Variants in COL6A1 observed in about 807,000 individuals in gnomAD.
COL6A1 encodes collagen alpha-1(VI) chain.
In COL6A1, 80 loss-of-function variants were observed where a neutral mutation model predicts 145.6. The ratio of observed to expected loss-of-function variants is 0.55; its 90% CI spans 0.46 to 0.66. The LOEUF (loss-of-function observed/expected upper bound fraction) is 0.66, where lower values mean the gene tolerates loss of function less well. Ranked by LOEUF, COL6A1 falls within the 30% of genes least tolerant of loss-of-function variation. The probability of loss-of-function intolerance (pLI) is 0.00; values close to 1 mark genes in which losing one functional copy is unlikely to be tolerated. For missense variants in COL6A1, 1,364 were observed against 1,473.8 expected, an observed-to-expected ratio of 0.93 and a Z score of 1.22; for synonymous variants, 638 against 622.8, an observed-to-expected ratio of 1.02 and a Z score of -0.36.
chr21:45,994,093 G>A lies in COL6A1; in HGVS notation c.1336-74G>A, dbSNP rs1438012202. 3 of 1,434,078 alleles carry A rather than the reference G, an allele frequency of 2.1e-6. No individual in the cohort carries two copies. Among genetic ancestry groups the A allele is most frequent in the Admixed American group, 3.9e-5 (2 of 50,996 alleles). 88.8% of individuals were successfully genotyped at this position (1,434,078 alleles called of 1,614,324 possible). On this transcript the variant is annotated intron_variant, in intron 19 of 34. Coordinates refer to ENST00000361866, the MANE Select transcript of COL6A1 (RefSeq NM_001848.3). The surrounding 1 kb of genome is among the most constrained non-coding windows in gnomAD (Gnocchi z 6.8). The stretch of plus-strand genomic sequence containing the variant: ...GTGACCACCTGGACAGCATGCTGTG[G>A]CTCCCAGCGTGCCCGGGCAGCCATC...
intron 8 of COL6A1, 72 bp from the exon 9 acceptor site, chr21:45,989,012 A>C: frequency 6.4e-7 from 1 of 1,574,502 alleles, no homozygotes; most frequent in Non-Finnish European, 8.7e-7. Context: ...GTCTTTTTAA[A>C]AACCTGTTTC....
chr21:45,990,499 CGTGAAGGTGACCCGGGGA>C (rs2077770023), intron 13 of COL6A1, 77 bp downstream of exon 13: 5 of 200,334 alleles, frequency 2.5e-5, no homozygotes, highest in Admixed American at 7.8e-5. Flanking sequence ...GAGTGGACGG[CGTGAAGGTGACCCGGGGA>C]GGGATGGGGT....
intron 1 of COL6A1, 118 bp downstream of exon 1, chr21:45,982,065 G>T: frequency 1.2e-6 from 1 of 860,040 alleles, no homozygotes; most frequent in Non-Finnish European, 1.9e-6. Context: ...TGGAGCCCCT[G>T]AACCCCACTC....
chr21:45,985,850 G>A (rs1403568065), intron 3 of COL6A1, among the ~76,000 whole-genome samples: 8 of 152,218 alleles, frequency 5.3e-5, no homozygotes, highest in Non-Finnish European at 1.5e-5. Flanking sequence ...TGGGACCTGG[G>A]GGACTTGGAG....
At chr21:46,001,509 CA>C in intron 30 of COL6A1, 123 bp downstream of exon 30, 2 of 1,344,668 alleles carry the variant, frequency 1.5e-6, no homozygotes. Flanking sequence ...CTTCCCTACT[CA>C]TGACAAGGAT....
chr21:45,996,965 G>A (rs2077808509), intron 20 of COL6A1, among the ~76,000 whole-genome samples: 1 of 152,206 alleles, frequency 6.6e-6, no homozygotes, highest in South Asian at 2.1e-4. Flanking sequence ...GGCCCAAAGG[G>A]GACCATGAGG....
At chr21:45,991,982 C>G (rs763686299) in intron 15 of COL6A1, 28 bp from the exon 16 acceptor site, 2 of 1,557,418 alleles carry the variant, frequency 1.3e-6, no homozygotes, top group Non-Finnish European at 1.7e-6. Flanking sequence ...CCCCTGCCAG[C>G]GTGTGTGACT....
chr21:45,989,679 A>G (rs1214286203), intron 10 of COL6A1, 27 bp downstream of exon 10: 1 of 1,613,060 alleles, frequency 6.2e-7, no homozygotes, highest in Non-Finnish European at 8.5e-7. Context: ...TCCTGGCCCG[A>G]GCCCGGTGGT....
At chr21:46,001,878 C>A (rs927079636) in intron 30 of COL6A1, 83 bp from the exon 31 acceptor site, 3 of 1,254,840 alleles carry the variant, frequency 2.4e-6, no homozygotes, top group Non-Finnish European at 3.4e-6. Context: ...CTCTGGGCAC[C>A]CGCAGCCAAT....
intron 2 of COL6A1, among the ~76,000 whole-genome samples, chr21:45,983,397 G>C (rs889086239): frequency 2.0e-5 from 3 of 151,962 alleles, no homozygotes; most frequent in South Asian, 2.1e-4. Flanking sequence ...GGCCGCTGAG[G>C]GGGGGGCATG....
intron 20 of COL6A1, among the ~76,000 whole-genome samples, chr21:45,995,230 C>T (rs144493790): frequency 1.3e-3 from 197 of 152,352 alleles, no homozygotes; most frequent in African/African-American, 4.5e-3. Flanking sequence ...GTGCCGCTCA[C>T]GGCAGGGGCA....
intron 20 of COL6A1, among the ~76,000 whole-genome samples, chr21:45,995,773 A>C (rs1323477829): frequency 1.3e-5 from 2 of 152,140 alleles, no homozygotes; most frequent in Non-Finnish European, 2.9e-5. Context: ...AACGCCTGAG[A>C]CCAGGGCACC....
chr21:46,001,223 G>A (rs376670026), intron 29 of COL6A1, 30 bp from the exon 30 acceptor site: 19 of 1,595,616 alleles, frequency 1.2e-5, no homozygotes, highest in South Asian at 5.5e-5. Flanking sequence ...GGGGAGGGGC[G>A]TGCTCTGCTG....
Position 46,000,812 on chromosome 21 carries a change from C to T in COL6A1, c.1822+45C>T, listed in dbSNP as rs7276098. 10,811 of 1,612,290 alleles carry T rather than the reference C, an allele frequency of 6.7e-3. 429 individuals carry two copies. The African/African-American group carries it at 0.11, about 16-fold the overall frequency. ...TCCTGAGAGAATGGATCCCGGGGGTCGGGGAGCGAGGCCTGGGTCCCACAC... is the reference window on the plus strand; with the variant it reads ...TCCTGAGAGAATGGATCCCGGGGGTTGGGGAGCGAGGCCTGGGTCCCACAC... On this transcript the variant is annotated intron_variant, in intron 29 of 34. Transcript: ENST00000361866.
At chr21:45,984,827 G>GA (rs2077728767) in intron 3 of COL6A1, among the ~76,000 whole-genome samples, 1 of 151,932 alleles carries the variant, frequency 6.6e-6, no homozygotes, top group Admixed American at 6.5e-5. Flanking sequence ...GACGGGAACA[G>GA]AGACAGGCAG....
intron 9 of COL6A1, 68 bp downstream of exon 9, chr21:45,989,205 C>A: frequency 6.6e-7 from 1 of 1,506,222 alleles, no homozygotes; most frequent in Non-Finnish European, 9.0e-7. Flanking sequence ...GCCTCGGAAA[C>A]TTCCGGAAGA....
In COL6A1 at chr21:45,992,185, C is replaced by T. The variant is rs983326119; in HGVS notation, c.1204C>T (p.Pro402Ser). Residue 402 changes from proline to serine, a missense_variant, in exon 17 of 35, where the codon CCC becomes TCC. Around this residue, in one of 3 missense-constraint regions of COL6A1, gnomAD observed 938 missense variants for 1,003.8 expected, o/e 0.93. Coordinates refer to ENST00000361866, the MANE Select transcript of COL6A1 (RefSeq NM_001848.3). ...GDEGQPGEPG[P>S]PGEKGEAGDE... ...ACAGGGCCAGCCGGGAGAGCCTGGG[C>T]CCCCCGGAGAGAAAGGAGAGGCGGG... 9 of 1,613,536 alleles carry T rather than the reference C, an allele frequency of 5.6e-6. No homozygotes were observed. The highest frequency in any genetic ancestry group is 1.6e-4 in the Middle Eastern group (1 of 6,084).
intron 6 of COL6A1, 73 bp from the exon 7 acceptor site, chr21:45,987,426 G>A (rs374517899): frequency 1.1e-4 from 177 of 1,596,714 alleles, no homozygotes; most frequent in East Asian, 3.1e-4. Flanking sequence ...TGCCTGGGTC[G>A]CATGTCACCC....
At position 46,002,586 on chromosome 21, in the gene COL6A1, T is replaced by C; in HGVS notation, c.2310T>C (p.Asn770=). 1 of 1,614,134 alleles carries C rather than the reference T, an allele frequency of 6.2e-7. No individual in the cohort carries two copies. The highest frequency in any genetic ancestry group is 1.1e-5 in the South Asian group (1 of 91,082). ...FDFIPGSDQL[N]VISCQGLAPS... ...TCATCCCAGGCTCAGACCAGCTCAA[T>C]GTCATTTCTTGCCAAGGCCTGGCAC... Residue 770 remains asparagine, a synonymous_variant, in exon 33 of 35, where the codon AAT becomes AAC. Transcript: ENST00000361866.
Sources: allele counts gnomAD v4.1 joint callset (sites outside exome capture counted in the v4.1 genomes callset), GRCh38; gene constraint gnomAD v4.1.1; regional missense constraint gnomAD v4.1.1; non-coding constraint Gnocchi (gnomAD v3.1); transcripts MANE v1.5; gene names NCBI Gene and HGNC (gene_info 2026-07-23, HGNC 2026-07-21).